COPG2: variants seen among roughly 807,000 people sequenced by gnomAD.
COPG2 encodes coatomer subunit gamma-2.
A neutral mutation model predicts 46.3 loss-of-function variants in COPG2; 37 were observed. The ratio of observed to expected loss-of-function variants is 0.80; its 90% confidence interval spans 0.61 to 1.05. The LOEUF is 1.05. Among genes scored for constraint, COPG2 ranks in the 50% least tolerant of loss-of-function variants. The pLI is 0.00. For synonymous variants in COPG2, 159 were observed against 129.7 expected, an observed-to-expected ratio of 1.23 and a Z score of -1.53; for missense variants, 427 against 387.8, an observed-to-expected ratio of 1.10 and a Z score of -0.85.
In COPG2 at chr7:130,617,024, C is replaced by A; in HGVS notation, c.365G>T (p.Gly122Val). 6.2e-7 allele frequency: 1 copy of A among 1,611,416 alleles called. No homozygotes were observed. Among genetic ancestry groups the A allele is most frequent in the Non-Finnish European group, 8.5e-7 (1 of 1,178,278 alleles). ...CCTGCAGAGAGCTCTGATGGCCGGG[C>A]CTCGGTATACATCTTCTTTTCCAGT... ...DMTGKEDVYR[G>V]PAIRALCRIT... The change falls in exon 6 of 24, where the codon GGC (glycine) becomes GTC (valine). Residue 122 changes from glycine (G) to valine (V), a missense_variant. Physicochemically the swap from Gly to Val is moderately radical, Grantham distance 109 (BLOSUM62 -3). Coordinates refer to ENST00000425248, the MANE Select transcript of COPG2 (RefSeq NM_012133.6).
At chr7:130,572,307 C>A (rs1460319947) in intron 9 of COPG2, among the ~76,000 whole-genome samples, 1 of 152,162 alleles carries the variant, frequency 6.6e-6, no homozygotes, top group South Asian at 2.1e-4. Context: ...ACTGATAGAA[C>A]AACTAAGCAG....
intron 5 of COPG2, among the ~76,000 whole-genome samples, chr7:130,621,745 C>T (rs984009721): frequency 5.3e-5 from 8 of 152,048 alleles, no homozygotes; most frequent in African/African-American, 1.9e-4. Context: ...GAGTTCGCGA[C>T]CAGCCTGGCC....
chr7:130,527,823 G>A lies in COPG2; in HGVS notation c.2150-19164C>T, dbSNP rs994038625. Among the ~76,000 whole-genome samples the A allele has an allele frequency of 4.6e-5, 7 of 151,760 alleles. No individual in the cohort carries two copies. The East Asian group carries it at 9.7e-4, about 21-fold the overall frequency. On this transcript the variant is annotated intron_variant, in intron 20 of 23. Transcript: ENST00000425248. Reference sequence around the variant, plus strand: ...GACAGACCAGGACAAGGATGACAGCGAACAAATGGATGTAGCTGAAAAGGC... The same window carrying A: ...GACAGACCAGGACAAGGATGACAGCAAACAAATGGATGTAGCTGAAAAGGC...
At chr7:130,598,642 C>G (rs1335019878) in intron 9 of COPG2, among the ~76,000 whole-genome samples, 1 of 152,184 alleles carries the variant, frequency 6.6e-6, no homozygotes, top group Non-Finnish European at 1.5e-5. Context: ...ATTACTAAGC[C>G]ACTGCATGAG....
intron 5 of COPG2, among the ~76,000 whole-genome samples, chr7:130,640,230 T>G (rs13247129): frequency 6.7e-6 from 1 of 149,336 alleles, no homozygotes. Context: ...CAGTCTCTAT[T>G]GACCACACCT....
intron 21 of COPG2, chr7:130,508,149 C>T (rs543972800): frequency 1.9e-5 from 5 of 259,336 alleles, no homozygotes; most frequent in African/African-American, 1.1e-4. Flanking sequence ...AAAAGTTTTC[C>T]CTCCATTCTG....
At chr7:130,551,612 G>A (rs1207705343) in intron 15 of COPG2, among the ~76,000 whole-genome samples, 1 of 152,260 alleles carries the variant, frequency 6.6e-6, no homozygotes, top group African/African-American at 2.4e-5. Flanking sequence ...ATAGCAGTCT[G>A]GAGTCTTTTC....
chr7:130,659,072 T>C (rs988769709), intron 4 of COPG2, among the ~76,000 whole-genome samples: 117 of 152,100 alleles, frequency 7.7e-4, no homozygotes, highest in African/African-American at 2.7e-3. Context: ...AAAATATGCT[T>C]AGGCCGGGCG....
At position 130,611,042 on chromosome 7, in the gene COPG2, A is replaced by C. The variant is rs782397706; in HGVS notation, c.648T>G (p.Asn216Lys). The change falls in exon 9 of 24, where the codon AAT becomes AAG. Residue 216 changes from asparagine to lysine, a missense_variant. By Grantham distance (94) the Asn-to-Lys change is moderately conservative. Coordinates refer to ENST00000425248, the MANE Select transcript of COPG2 (RefSeq NM_012133.6). ...NDRLAVSKML[N>K]KFTKSGLKSQ... ...ACTTGAGACCAGATTTAGTAAACTT[A>C]TTCAACATCTTGGAAACAGCAAGTC... 1 of 1,613,938 alleles carries C rather than the reference A, an allele frequency of 6.2e-7. No homozygotes were observed. The highest frequency in any genetic ancestry group is 1.1e-5 in the South Asian group (1 of 91,084).
chr7:130,655,526 G>A (rs574131471), intron 4 of COPG2, among the ~76,000 whole-genome samples: 9 of 152,164 alleles, frequency 5.9e-5, no homozygotes, highest in Middle Eastern at 6.8e-3. Flanking sequence ...AGACTCCAGG[G>A]ATAGTCCTCA....
chr7:130,507,367 C>T lies in COPG2; in HGVS notation c.2392G>A (p.Val798Ile). ...LSSTKTLEEA[V>I]NNIITFLGMQ... is the part of the protein sequence containing the mutation. ...CCCAGAAATGTGATGATATTGTTGA[C>T]AGCCTCTGTGTTGAGAAGATGTATG... The change falls in exon 23 of 24, where the codon GTC becomes ATC. Residue 798 changes from valine (V) to isoleucine (I), a missense_variant. Transcript: ENST00000425248. The T allele has an allele frequency of 1.3e-6, 1 of 780,600 alleles. No individual in the cohort carries two copies. The highest frequency in any genetic ancestry group is 2.4e-5 in the East Asian group (1 of 41,242). 48.4% of individuals were successfully genotyped at this position (780,600 alleles called of 1,614,324 possible).
chr7:130,542,118 C>A (rs1793339531), intron 20 of COPG2, among the ~76,000 whole-genome samples: 2 of 130,214 alleles, frequency 1.5e-5, no homozygotes, highest in South Asian at 4.6e-4. Context: ...TTGAGAGGAT[C>A]AGGGAATGTA....
At chr7:130,533,970 A>T (rs1799853779) in intron 20 of COPG2, among the ~76,000 whole-genome samples, 2 of 14,640 alleles carry the variant, frequency 1.4e-4, no homozygotes, top group African/African-American at 3.4e-4. Context: ...AACCTCATGA[A>T]TTTATTGGGG....
chr7:130,600,067 G>T (rs1403540415), intron 9 of COPG2, among the ~76,000 whole-genome samples: 3 of 152,064 alleles, frequency 2.0e-5, no homozygotes, highest in African/African-American at 7.2e-5. Flanking sequence ...TTTTATACTT[G>T]ATTTCTCAGT....
intron 1 of COPG2, among the ~76,000 whole-genome samples, chr7:130,668,424 G>C (rs1285847399): frequency 1.3e-5 from 2 of 148,744 alleles, no homozygotes; most frequent in African/African-American, 4.9e-5. Context: ...GGGAGCGCGC[G>C]GCCCGAAGGG....
chr7:130,608,820 T>C (rs1000597457), intron 9 of COPG2, among the ~76,000 whole-genome samples: 5 of 152,162 alleles, frequency 3.3e-5, no homozygotes, highest in Non-Finnish European at 5.9e-5. Flanking sequence ...GTGTGGTTTT[T>C]ATTTATCCTA....
At chr7:130,611,246 A>C (rs1794843788) in intron 8 of COPG2, 136 bp from the exon 9 acceptor site, 2 of 776,556 alleles carry the variant, frequency 2.6e-6, no homozygotes, top group African/African-American at 1.7e-5. Flanking sequence ...TATTTTTTTC[A>C]CACTGAACTA....
chr7:130,511,384 C>G, intron 20 of COPG2: 1 of 519,262 alleles, frequency 1.9e-6, no homozygotes, highest in South Asian at 1.4e-5. Context: ...GCAATGGGTG[C>G]AGCATAGTGT....
intron 20 of COPG2, chr7:130,510,312 A>G: frequency 2.1e-6 from 1 of 485,524 alleles, no homozygotes; most frequent in Non-Finnish European, 4.1e-6. Context: ...GGGGTTGAGA[A>G]AAGAACGACT....
Sources: gnomAD v4.1 joint callset for allele counts (sites outside exome capture counted in the v4.1 genomes callset) on GRCh38, gnomAD v4.1.1 for gene constraint, MANE v1.5 for transcripts, NCBI Gene and HGNC (gene_info 2026-07-23, HGNC 2026-07-21) for gene names.